DNAH12: variants seen among roughly 807,000 people sequenced by gnomAD.
DNAH12 encodes the protein dynein axonemal heavy chain 12.
In DNAH12, 285 loss-of-function variants were observed where a neutral mutation model predicts 371.5. The ratio of observed to expected loss-of-function variants is 0.77; its 90% confidence interval spans 0.70 to 0.85. The LOEUF (loss-of-function observed/expected upper bound fraction) is 0.85, where lower values mean the gene tolerates loss of function less well. Ranked by LOEUF, DNAH12 falls within the 40% of genes least tolerant of loss-of-function variation. The pLI is 0.00. For synonymous variants in DNAH12, 1,200 were observed against 1,213.0 expected, an observed-to-expected ratio of 0.99 and a Z score of 0.22; for missense variants, 3,611 against 3,689.4, an observed-to-expected ratio of 0.98 and a Z score of 0.55.
At position 57,301,815 on chromosome 3, in the gene DNAH12, A is replaced by AT; in HGVS notation, c.11313dup (p.Trp3772MetfsTer10). The AT allele has an allele frequency of 6.4e-7, 1 of 1,551,668 alleles. No homozygotes were observed. Among genetic ancestry groups the AT allele is most frequent in the South Asian group, 1.2e-5 (1 of 84,054 alleles). On this transcript the variant is annotated frameshift_variant, in exon 70 of 74. Transcript: ENST00000495027. LOFTEE classifies it high-confidence loss of function. ...AGGCTTGGGTATGAACGTTTGGCCC[A>AT]TATTTCTGGAACCTTTCCAACAAGT...
At chr3:57,348,413 G>A (rs2153319637) in intron 60 of DNAH12, among the ~76,000 whole-genome samples, 1 of 152,230 alleles carries the variant, frequency 6.6e-6, no homozygotes, top group East Asian at 1.9e-4. Context: ...AAACTACAAT[G>A]ATAGATATAT....
intron 2 of DNAH12, among the ~76,000 whole-genome samples, chr3:57,529,223 GT>G (rs1178562828): frequency 2.0e-5 from 3 of 152,104 alleles, no homozygotes; most frequent in Non-Finnish European, 2.9e-5. Flanking sequence ...TCTTTGTCTG[GT>G]TTTGGTATCA....
At chr3:57,338,419 G>A (rs1213461090) in intron 60 of DNAH12, among the ~76,000 whole-genome samples, 3 of 148,406 alleles carry the variant, frequency 2.0e-5, no homozygotes, top group African/African-American at 7.5e-5. Flanking sequence ...AGGAAGTGAG[G>A]AGCATCTCTG....
In DNAH12 at chr3:57,463,178, G is replaced by T. The variant is rs186335001; in HGVS notation, c.2350-303C>A. ...AATCCCAGCACTTTGGGAGGTTGGG[G>T]TGGGAGGATTGCTTGAGCCCAGGAA... On this transcript the variant is annotated intron_variant, in intron 17 of 73. Transcript: ENST00000495027. 1.9e-3 allele frequency among the ~76,000 whole-genome samples: 293 copies of T among 152,148 alleles called. 1 individual carries two copies. Among genetic ancestry groups the T allele is most frequent in the Middle Eastern group, 6.8e-3 (2 of 294 alleles).
In DNAH12 at chr3:57,355,891, G is replaced by C. The variant is rs1029980957; in HGVS notation, c.9533+1285C>G. Among the ~76,000 whole-genome samples the C allele has an allele frequency of 7.5e-4, 114 of 152,262 alleles. No homozygotes were observed. The East Asian group carries it at 0.017, about 23-fold the overall frequency. ...TTTTACTTAACAAGTACAGCAGTTA[G>C]TAAATACCAGACATTGTTATAAACA... On this transcript the variant is annotated intron_variant, in intron 59 of 73. Coordinates refer to ENST00000495027, the MANE Select transcript of DNAH12 (RefSeq NM_001366028.2).
intron 39 of DNAH12, 151 bp downstream of exon 39, chr3:57,413,595 T>C: frequency 1.2e-6 from 1 of 864,372 alleles, no homozygotes; most frequent in East Asian, 2.7e-5. Flanking sequence ...AATAGTCTTT[T>C]CGAAATATAT....
intron 4 of DNAH12, chr3:57,519,982 G>A: frequency 2.4e-6 from 2 of 827,174 alleles, no homozygotes; most frequent in Admixed American, 4.0e-5. Context: ...CAGGGCGTAG[G>A]GTTCCTCGCC....
chr3:57,351,940 G>A, intron 60 of DNAH12, 145 bp downstream of exon 60: 1 of 783,168 alleles, frequency 1.3e-6, no homozygotes, highest in South Asian at 2.6e-5. Context: ...TATCGTAGAA[G>A]CCATTGTTAT....
At chr3:57,313,879 T>G (rs913505966) in intron 66 of DNAH12, among the ~76,000 whole-genome samples, 2 of 151,896 alleles carry the variant, frequency 1.3e-5, no homozygotes, top group Admixed American at 6.6e-5. Context: ...TAGACTAGAG[T>G]CTATGTGGCA....
At chr3:57,339,641 T>A (rs1327335252) in intron 60 of DNAH12, among the ~76,000 whole-genome samples, 5 of 152,058 alleles carry the variant, frequency 3.3e-5, no homozygotes, top group African/African-American at 1.2e-4. Context: ...ATTGTTTCAA[T>A]TGAACTAATA....
rs769186872 is a variant in DNAH12, at chr3:57,303,414, CTTTTTT to C, written c.11190-1481_11190-1476del. 9.7e-5 allele frequency among the ~76,000 whole-genome samples: 12 copies of C among 123,658 alleles called. No individual in the cohort carries two copies. In the East Asian group the frequency reaches 1.3e-3, roughly 14 times the overall value. 81.1% of individuals were successfully genotyped at this position (123,658 alleles called of 152,430 possible). A position where few individuals can be genotyped will look rare whatever the true frequency, so the allele number is the denominator to read the frequency against. On this transcript the variant is annotated intron_variant, in intron 69 of 73. Coordinates refer to ENST00000495027, the MANE Select transcript of DNAH12 (RefSeq NM_001366028.2). ...GGAACTTTTTCTTTCTTTTCTTTTT[CTTTTTT>C]TTTTTTTTTGAGACAAGGTCTCACT...
At chr3:57,315,924 A>G (rs2061675111) in intron 65 of DNAH12, among the ~76,000 whole-genome samples, 1 of 152,182 alleles carries the variant, frequency 6.6e-6, no homozygotes, top group Non-Finnish European at 1.5e-5. Context: ...CATACTTGAG[A>G]TAAGGTGCTG....
At chr3:57,482,383 C>T (rs1461657395) in intron 13 of DNAH12, among the ~76,000 whole-genome samples, 2 of 152,050 alleles carry the variant, frequency 1.3e-5, no homozygotes, top group African/African-American at 2.4e-5. Flanking sequence ...TACCATCTCA[C>T]ACCAGTTAGA....
At chr3:57,465,082 C>G (rs1298242719) in intron 17 of DNAH12, among the ~76,000 whole-genome samples, 1 of 152,146 alleles carries the variant, frequency 6.6e-6, no homozygotes, top group Non-Finnish European at 1.5e-5. Context: ...TTAGCTCAGC[C>G]CTTGCTCTTT....
At chr3:57,419,276 G>A (rs2153359693) in intron 37 of DNAH12, 91 bp downstream of exon 37, 1 of 1,261,740 alleles carries the variant, frequency 7.9e-7, no homozygotes, top group Non-Finnish European at 1.1e-6. Context: ...TACCTGAAAA[G>A]GGATGATCTC....
intron 51 of DNAH12, among the ~76,000 whole-genome samples, chr3:57,379,842 C>CAAAAAAAAAAAA (rs1170490495): frequency 4.5e-5 from 1 of 22,378 alleles, no homozygotes; most frequent in African/African-American, 1.3e-4. Context: ...CTCTGTCTCC[C>CAAAAAAAAAAAA]AAAAAAAAAA....
intron 2 of DNAH12, chr3:57,530,875 C>T (rs1051909986): frequency 1.5e-4 from 24 of 159,538 alleles, no homozygotes; most frequent in Non-Finnish European, 5.6e-5. Flanking sequence ...GTGTTGGCAG[C>T]GGGGCACTCC....
At position 57,408,465 on chromosome 3, in the gene DNAH12, C is replaced by T; in HGVS notation, c.6091G>A (p.Gly2031Ser). ...GGAGTAACTGGATTTCTTCCACCAC[C>T]TGGAGGGCCCATTGCAGCAATCAGC... ...IELIAAMGPP[G>S]GGRNPVTPRC... Residue 2031 changes from glycine (G) to serine (S), a missense_variant, in exon 40 of 74, where the codon GGT becomes AGT. Coordinates refer to ENST00000495027, the MANE Select transcript of DNAH12 (RefSeq NM_001366028.2). The T allele has an allele frequency of 6.4e-7, 1 of 1,551,498 alleles. No individual in the cohort carries two copies.
chr3:57,301,857 C>T lies in DNAH12; in HGVS notation c.11272G>A (p.Ala3758Thr). ...GVVVMDSALE[A>T]LSGSLLVGKV... is the part of the protein sequence containing the mutation. ...CCAACAAGTAAGCTACCGGAGAGTG[C>T]CTCCAATGCAGAATCCATCACAACC... Residue 3758 changes from alanine (A) to threonine (T), a missense_variant, in exon 70 of 74, where the codon GCA becomes ACA. This residue lies in a region of DNAH12 where 2,266 missense variants were observed against 2,236.9 expected (regional missense o/e 1.01). Coordinates refer to ENST00000495027, the MANE Select transcript of DNAH12 (RefSeq NM_001366028.2). The T allele has an allele frequency of 1.3e-6, 2 of 1,551,580 alleles. No homozygotes were observed. The highest frequency in any genetic ancestry group is 1.7e-6 in the Non-Finnish European group (2 of 1,146,968).
Sources: allele counts gnomAD v4.1 joint callset (sites outside exome capture counted in the v4.1 genomes callset), GRCh38; gene constraint gnomAD v4.1.1; regional missense constraint gnomAD v4.1.1; transcripts MANE v1.5; gene names NCBI Gene and HGNC (gene_info 2026-07-23, HGNC 2026-07-21).